C20orf96: variants seen among roughly 807,000 people sequenced by gnomAD.
C20orf96 encodes the protein chromosome 20 open reading frame 96.
Under a neutral mutation model 52.6 loss-of-function variants are expected in C20orf96, and 57 were observed. The observed-to-expected ratio is 1.08, with a 90% confidence interval of 0.88 to 1.35. The LOEUF is 1.35. Ranked by LOEUF, C20orf96 falls within the 40% of genes most tolerant of loss-of-function variation. The pLI is 0.00. For missense variants in C20orf96, 478 were observed against 443.6 expected, an observed-to-expected ratio of 1.08 and a Z score of -0.70; for synonymous variants, 168 against 157.2, an observed-to-expected ratio of 1.07 and a Z score of -0.51.
At position 290,651 on chromosome 20, in the gene C20orf96, G is replaced by A; in HGVS notation, c.-41C>T. ...AGAAGTTGCGAGTCTGTGAGACCCT[G>A]ATCTTCTGGTATAACTACTCGGCTT... On this transcript the variant is annotated 5_prime_UTR_variant, in exon 1 of 11. Coordinates refer to ENST00000360321, the MANE Select transcript of C20orf96 (RefSeq NM_153269.3). 6.2e-7 allele frequency: 1 copy of A among 1,606,680 alleles called. No homozygotes were observed. The highest frequency in any genetic ancestry group is 2.2e-5 in the East Asian group (1 of 44,598).
At position 271,014 on chromosome 20, in the gene C20orf96, G is replaced by A. The variant is rs983461653; in HGVS notation, c.*193C>T. 3.7e-6 allele frequency: 2 copies of A among 535,876 alleles called. No individual in the cohort carries two copies. The highest frequency in any genetic ancestry group is 3.3e-6 in the Non-Finnish European group (1 of 306,382). 33.2% of individuals were successfully genotyped at this position (535,876 alleles called of 1,614,324 possible). On this transcript the variant is annotated 3_prime_UTR_variant, in exon 11 of 11. Transcript: ENST00000360321. ...AGGAGGGAGGGAGGGAGAGGAGGAA[G>A]GAAGGAGGAGGGAAGGGAAGGGGGG... is the stretch of plus-strand genomic sequence containing the variant.
chr20:280,622 T>C (rs1346847751), intron 4 of C20orf96, among the ~76,000 whole-genome samples: 2 of 152,218 alleles, frequency 1.3e-5, no homozygotes, highest in East Asian at 3.8e-4. Flanking sequence ...TGAATCCCAA[T>C]GTCTGTCTTT....
chr20:289,737 C>T, intron 2 of C20orf96, 61 bp from the exon 3 acceptor site: 4 of 1,363,324 alleles, frequency 2.9e-6, no homozygotes, highest in Non-Finnish European at 4.2e-6. Context: ...CTACCCTTTT[C>T]AGATATCTGT....
intron 3 of C20orf96, among the ~76,000 whole-genome samples, chr20:288,697 T>A (rs1461142545): frequency 6.6e-6 from 1 of 152,186 alleles, no homozygotes; most frequent in African/African-American, 2.4e-5. Context: ...TTTCTGTGTT[T>A]CAGTGTTGCC....
chr20:271,468 AC>A (rs1361615535), intron 10 of C20orf96, among the ~76,000 whole-genome samples: 24 of 151,938 alleles, frequency 1.6e-4, no homozygotes, highest in Non-Finnish European at 3.4e-4. Flanking sequence ...ACACACACAC[AC>A]ACACACACAC....
chr20:283,557 A>G (rs1425673378), intron 4 of C20orf96, among the ~76,000 whole-genome samples: 3 of 151,656 alleles, frequency 2.0e-5, no homozygotes, highest in African/African-American at 7.3e-5. Flanking sequence ...ACCCACCTAG[A>G]CCTCCCAAAG....
intron 10 of C20orf96, 111 bp downstream of exon 10, chr20:275,857 C>G: frequency 9.8e-6 from 10 of 1,016,162 alleles, no homozygotes; most frequent in Non-Finnish European, 1.5e-5. Context: ...GCCCCTCCCT[C>G]CCTGTACAGG....
chr20:280,673 A>G (rs771175716), intron 4 of C20orf96, among the ~76,000 whole-genome samples: 5 of 152,216 alleles, frequency 3.3e-5, no homozygotes, highest in Non-Finnish European at 7.3e-5. Flanking sequence ...TTAAAACTGC[A>G]AGGCATGGCT....
rs369933636 is a variant in C20orf96 at position 278,421 on chromosome 20, G to A, written c.474C>T (p.Ile158=). 1.2e-6 allele frequency: 2 copies of A among 1,613,374 alleles called. No homozygotes were observed. Among genetic ancestry groups the A allele is most frequent in the Non-Finnish European group, 1.7e-6 (2 of 1,179,642 alleles). ...TCTTGTTTGAGTACTCCAAGATGTC[G>A]ATGATGGTCTGCGGGAGGGGTGGAG... ...LQQQDTLATI[I]DILEYSNKKR... The change falls in exon 6 of 11, where the codon ATC becomes ATT. Residue 158 remains isoleucine (I), a synonymous_variant. Coordinates refer to ENST00000360321, the MANE Select transcript of C20orf96 (RefSeq NM_153269.3).
chr20:285,842 G>C (rs532692208), intron 3 of C20orf96, among the ~76,000 whole-genome samples: 1 of 152,262 alleles, frequency 6.6e-6, no homozygotes, highest in East Asian at 1.9e-4. Context: ...CCAAAGTGCT[G>C]GGATTACAGG....
chr20:285,682 A>G (rs1358177027), intron 3 of C20orf96, among the ~76,000 whole-genome samples: 1 of 152,178 alleles, frequency 6.6e-6, no homozygotes, highest in African/African-American at 2.4e-5. Flanking sequence ...CCCAGATTCA[A>G]GCAATTCTCC....
chr20:287,248 G>C (rs1201758529), intron 3 of C20orf96, among the ~76,000 whole-genome samples: 3 of 152,202 alleles, frequency 2.0e-5, no homozygotes, highest in Admixed American at 6.5e-5. Context: ...GGCCACACTT[G>C]TTTCCAGAGA....
intron 10 of C20orf96, among the ~76,000 whole-genome samples, 181 bp downstream of exon 10, chr20:275,787 G>C (rs955633048): frequency 6.6e-5 from 10 of 152,182 alleles, no homozygotes; most frequent in African/African-American, 2.4e-4. Context: ...CCTTTGCAGA[G>C]ATGGGAAAGG....
chr20:280,119 C>T (rs1176400206), intron 4 of C20orf96, among the ~76,000 whole-genome samples: 2 of 152,166 alleles, frequency 1.3e-5, no homozygotes, highest in East Asian at 1.9e-4. Flanking sequence ...TCTCATTTCA[C>T]ACAACAGCCC....
chr20:279,414 G>GCCCCGCCAGACGCCCGC, intron 4 of C20orf96, 84 bp from the exon 5 acceptor site: 10 of 1,414,286 alleles, frequency 7.1e-6, no homozygotes, highest in South Asian at 1.4e-5. Flanking sequence ...CGCCGCCCCG[G>GCCCCGCCAGACGCCCGC]CCCCGCCAGA....
chr20:277,211 C>T lies in C20orf96; in HGVS notation c.723+15G>A, dbSNP rs2012059174. 6.2e-7 allele frequency: 1 copy of T among 1,613,832 alleles called. No homozygotes were observed. The highest frequency in any genetic ancestry group is 1.7e-5 in the Admixed American group (1 of 60,008). ...CCCACACAGTCTGGTGGGAGAGGGG[C>T]AGGGGCTCCCCTACCTGCTGGCTGT... On this transcript the variant is annotated intron_variant, in intron 7 of 10. Coordinates refer to ENST00000360321, the MANE Select transcript of C20orf96 (RefSeq NM_153269.3).
At chr20:272,245 A>G (rs1156939976) in intron 10 of C20orf96, among the ~76,000 whole-genome samples, 2 of 151,896 alleles carry the variant, frequency 1.3e-5, no homozygotes, top group Non-Finnish European at 2.9e-5. Context: ...CTAAATTTCT[A>G]CTTCCAGCCA....
At chr20:283,166 G>T (rs2012294268) in intron 4 of C20orf96, among the ~76,000 whole-genome samples, 1 of 152,110 alleles carries the variant, frequency 6.6e-6, no homozygotes, top group East Asian at 1.9e-4. Flanking sequence ...TTGAGACATT[G>T]TTCAGATAAT....
chr20:272,684 T>C (rs1353235796), intron 10 of C20orf96, among the ~76,000 whole-genome samples: 1 of 152,066 alleles, frequency 6.6e-6, no homozygotes, highest in Non-Finnish European at 1.5e-5. Context: ...TGTGCCTACA[T>C]ACACATCCCT....
Sources: gnomAD v4.1 joint callset for allele counts (sites outside exome capture counted in the v4.1 genomes callset) on GRCh38, gnomAD v4.1.1 for gene constraint, MANE v1.5 for transcripts, NCBI Gene and HGNC (gene_info 2026-07-23, HGNC 2026-07-21) for gene names.